The following LRP1B variants were observed in gnomAD, a reference collection of about 807,000 sequenced individuals.
The protein encoded by LRP1B is LDL receptor related protein 1B, also known as low-density lipoprotein receptor-related protein 1B.
In LRP1B, 217 loss-of-function variants were observed where a neutral mutation model predicts 556.6. The ratio of observed to expected loss-of-function variants is 0.39; its 90% CI spans 0.35 to 0.44. The LOEUF (loss-of-function observed/expected upper bound fraction) is 0.44. Among genes scored for constraint, LRP1B ranks in the 20% least tolerant of loss-of-function variants. The pLI is 1.00. For missense variants in LRP1B, 5,053 were observed against 5,620.8 expected (o/e 0.90, Z 3.23); for synonymous variants, 2,047 against 1,865.8 (o/e 1.10, Z -2.50).
At chr2:141,086,315 T>C (rs1326680098) in intron 7 of LRP1B, among the ~76,000 whole-genome samples, 3 of 152,212 alleles carry the variant, frequency 2.0e-5, no homozygotes, top group African/African-American at 7.2e-5. Flanking sequence ...TCTTAGAAAT[T>C]TATTGAAAGC....
chr2:141,897,703 T>G (rs1415443157), intron 1 of LRP1B, among the ~76,000 whole-genome samples: 9 of 152,154 alleles, frequency 5.9e-5, no homozygotes, highest in Admixed American at 5.9e-4. Context: ...GGAAAACTGT[T>G]TAATATAAAG....
At chr2:141,597,000 CGT>C (rs139570898) in intron 2 of LRP1B, among the ~76,000 whole-genome samples, 9 of 151,436 alleles carry the variant, frequency 5.9e-5, no homozygotes, top group African/African-American at 1.7e-4. Flanking sequence ...TCAGAACTGA[CGT>C]GTGTGTGTGC....
chr2:141,787,931 T>C (rs1695479068), intron 2 of LRP1B, among the ~76,000 whole-genome samples: 1 of 151,984 alleles, frequency 6.6e-6, no homozygotes, highest in African/African-American at 2.4e-5. Context: ...GCTAACATTC[T>C]AACCAATTTT....
chr2:141,943,642 G>A (rs1008194285), intron 1 of LRP1B, among the ~76,000 whole-genome samples: 1 of 151,984 alleles, frequency 6.6e-6, no homozygotes, highest in Admixed American at 6.6e-5. Flanking sequence ...AAAATCACTA[G>A]AGGAAAAACA....
At chr2:141,118,288 A>T (rs1700956759) in intron 7 of LRP1B, among the ~76,000 whole-genome samples, 2 of 151,956 alleles carry the variant, frequency 1.3e-5, no homozygotes, top group African/African-American at 4.8e-5. Context: ...TGTTTCAGGC[A>T]GTTATATTTA....
At chr2:141,011,199 A>G (rs552081136) in intron 14 of LRP1B, among the ~76,000 whole-genome samples, 227 of 120,226 alleles carry the variant, frequency 1.9e-3, no homozygotes, top group African/African-American at 6.7e-3. Flanking sequence ...TATTTTATCC[A>G]TAGGGAAAAA....
At chr2:140,299,389 TTATGGTGAG>T (rs1286958203) in intron 83 of LRP1B, among the ~76,000 whole-genome samples, 2 of 152,086 alleles carry the variant, frequency 1.3e-5, no homozygotes, top group African/African-American at 4.8e-5. Context: ...ATATACATTT[TTATGGTGAG>T]TAATATTTCT....
chr2:140,999,502 G>C (rs973420246), intron 15 of LRP1B, among the ~76,000 whole-genome samples: 1 of 151,992 alleles, frequency 6.6e-6, no homozygotes, highest in Non-Finnish European at 1.5e-5. Flanking sequence ...TCTAACATCA[G>C]CTTGGTAAAC....
chr2:140,461,995 A>C (rs531375984), intron 60 of LRP1B, among the ~76,000 whole-genome samples: 1 of 152,318 alleles, frequency 6.6e-6, no homozygotes, highest in African/African-American at 2.4e-5. Context: ...TGAGTTATAA[A>C]GAGTTTATAT....
intron 25 of LRP1B, among the ~76,000 whole-genome samples, chr2:140,878,642 C>T (rs1330432304): frequency 3.9e-5 from 6 of 151,928 alleles, no homozygotes; most frequent in East Asian, 1.9e-4. Context: ...AGAAAGAACA[C>T]GAAGATAGCA....
At chr2:140,635,925 C>G (rs932316965) in intron 41 of LRP1B, among the ~76,000 whole-genome samples, 3 of 152,046 alleles carry the variant, frequency 2.0e-5, no homozygotes, top group African/African-American at 7.2e-5. Flanking sequence ...CTTTCTGGAT[C>G]TATTTTAAGT....
At chr2:140,754,527 G>A (rs1227265448) in intron 35 of LRP1B, among the ~76,000 whole-genome samples, 1 of 151,910 alleles carries the variant, frequency 6.6e-6, no homozygotes, top group African/African-American at 2.4e-5. Context: ...AACAAAGCAT[G>A]GAAATTCATA....
chr2:141,511,134 G>C (rs546383875), intron 2 of LRP1B, among the ~76,000 whole-genome samples: 1 of 152,164 alleles, frequency 6.6e-6, no homozygotes, highest in South Asian at 2.1e-4. Flanking sequence ...GTGCCCTCAA[G>C]GGATTGGACT....
intron 35 of LRP1B, among the ~76,000 whole-genome samples, chr2:140,750,251 G>A (rs984019510): frequency 6.6e-6 from 1 of 152,132 alleles, no homozygotes; most frequent in Non-Finnish European, 1.5e-5. Flanking sequence ...GTCATCAGAA[G>A]TCTAGCAGAC....
chr2:141,478,252 T>C (rs1057423741), intron 3 of LRP1B, among the ~76,000 whole-genome samples: 2 of 152,230 alleles, frequency 1.3e-5, no homozygotes, highest in African/African-American at 2.4e-5. Context: ...TATATTTTCA[T>C]ACGATCCTTG....
At chr2:141,452,908 C>T (rs944173521) in intron 3 of LRP1B, among the ~76,000 whole-genome samples, 1 of 152,112 alleles carries the variant, frequency 6.6e-6, no homozygotes, top group African/African-American at 2.4e-5. Flanking sequence ...TATTATTTCA[C>T]CAAAGGCCTG....
chr2:141,266,369 C>G (rs913748801), intron 3 of LRP1B, among the ~76,000 whole-genome samples: 4 of 149,598 alleles, frequency 2.7e-5, no homozygotes, highest in African/African-American at 7.4e-5. Context: ...CATATTTTCT[C>G]CATGCTCATG....
intron 2 of LRP1B, among the ~76,000 whole-genome samples, chr2:141,507,723 G>T (rs1299577566): frequency 6.6e-6 from 1 of 152,004 alleles, no homozygotes; most frequent in Non-Finnish European, 1.5e-5. Flanking sequence ...TATAGTTTTT[G>T]AGTACCTACT....
chr2:141,345,882 G>GT (rs995443936), intron 3 of LRP1B, among the ~76,000 whole-genome samples: 4 of 151,532 alleles, frequency 2.6e-5, no homozygotes, highest in Non-Finnish European at 4.4e-5. Flanking sequence ...AATTTTCTTT[G>GT]TTTTTTTCCC....
Sources: allele counts gnomAD v4.1 joint callset (sites outside exome capture counted in the v4.1 genomes callset), GRCh38; gene constraint gnomAD v4.1.1; transcripts MANE v1.5; gene names NCBI Gene and HGNC (gene_info 2026-07-23, HGNC 2026-07-21).